Variants in ABLIM1 observed in about 807,000 individuals in gnomAD.
ABLIM1 encodes the protein actin-binding LIM protein 1.
Under a neutral mutation model 107.0 loss-of-function variants are expected in ABLIM1, and 40 were observed. The ratio of observed to expected loss-of-function variants is 0.37; its 90% CI spans 0.29 to 0.49. ABLIM1 has a LOEUF of 0.49. ABLIM1 is among the 20% of genes least tolerant of loss of function. The pLI, the probability that ABLIM1 is intolerant of heterozygous loss-of-function variation, is 0.97. For synonymous variants in ABLIM1, 357 were observed against 357.3 expected, an observed-to-expected ratio of 1.00 and a Z score of 0.01; for missense variants, 857 against 1,008.5, an observed-to-expected ratio of 0.85 and a Z score of 2.04.
At chr10:114,492,388 G>T (rs1375247285) in intron 6 of ABLIM1, among the ~76,000 whole-genome samples, 1 of 152,198 alleles carries the variant, frequency 6.6e-6, no homozygotes, top group Non-Finnish European at 1.5e-5. Context: ...CTCAAGGGGG[G>T]CCCTAAGTCT....
chr10:114,685,009 G>A (rs11196874), upstream of ABLIM1: 71,971 of 152,272 alleles, frequency 0.47, 17,848 homozygotes, highest in South Asian at 0.6. Context: ...GGTATGAGAC[G>A]AGCCGTGGAC....
intron 1 of ABLIM1, among the ~76,000 whole-genome samples, chr10:114,752,958 T>G (rs534494501): frequency 6.6e-6 from 1 of 152,316 alleles, no homozygotes; most frequent in African/African-American, 2.4e-5. Flanking sequence ...TGAATAAGAA[T>G]AAATAATCCA....
At chr10:114,529,209 C>A (rs1253468060) in intron 6 of ABLIM1, among the ~76,000 whole-genome samples, 2 of 151,506 alleles carry the variant, frequency 1.3e-5, no homozygotes, top group African/African-American at 4.9e-5. Flanking sequence ...ACTGCAACCT[C>A]TGCCTCCCGG....
At chr10:114,631,446 C>T (rs1053258593) in intron 1 of ABLIM1, among the ~76,000 whole-genome samples, 5 of 152,178 alleles carry the variant, frequency 3.3e-5, no homozygotes, top group Non-Finnish European at 5.9e-5. Flanking sequence ...AACCCAGCTT[C>T]TCCTTTCAGC....
the ABLIM1 span, among the ~76,000 whole-genome samples, chr10:114,783,774 T>G: frequency 6.6e-6 from 1 of 151,972 alleles, no homozygotes; most frequent in Non-Finnish European, 1.5e-5. Context: ...GTAAATACTG[T>G]CACTGTGGCT....
rs547043980 is a variant in ABLIM1 at position 114,558,814 on chromosome 10, T to C, written c.674-11038A>G. Among the ~76,000 whole-genome samples the C allele has an allele frequency of 5.9e-5, 9 of 152,178 alleles. No individual in the cohort carries two copies. The East Asian group carries it at 1.7e-3, about 29-fold the overall frequency. On this transcript the variant is annotated intron_variant, in intron 4 of 22. Transcript: ENST00000533213. ...TCCTGGGAATGTAAAAGAGATTCTT[T>C]TATGGGAAATAAAAATACTAGCATA... is the stretch of plus-strand genomic sequence containing the variant.
intron 2 of ABLIM1, among the ~76,000 whole-genome samples, chr10:114,586,295 T>C (rs2074186297): frequency 6.6e-6 from 1 of 152,222 alleles, no homozygotes; most frequent in Admixed American, 6.5e-5. Context: ...CGCTGGGCTA[T>C]GCTCTACTTT....
In ABLIM1 at chr10:114,681,873, T is replaced by C. The variant is rs111816658; in HGVS notation, c.64+2417A>G. ...CTGGGGCACGTTCCTGGCAATGTCA[T>C]GCTCTGATTGACCCACTGGTCACCG... On this transcript the variant is annotated intron_variant, in intron 1 of 23. Coordinates refer to the ABLIM1 transcript ENST00000369256. 4.3e-3 allele frequency among the ~76,000 whole-genome samples: 660 copies of C among 152,336 alleles called. 5 individuals carry two copies. The highest frequency in any genetic ancestry group is 0.017 in the Middle Eastern group (5 of 294).
chr10:114,485,433 CAGA>C (rs2058052158), intron 8 of ABLIM1: 1 of 1,451,774 alleles, frequency 6.9e-7, no homozygotes, highest in Non-Finnish European at 9.4e-7. Flanking sequence ...AGCCTCAAAT[CAGA>C]AGAATTATTT....
At chr10:114,796,474 G>A in the ABLIM1 span, among the ~76,000 whole-genome samples, 2 of 152,164 alleles carry the variant, frequency 1.3e-5, no homozygotes, top group African/African-American at 4.8e-5. Context: ...AAGAGCAAGA[G>A]GGCAACTAGA....
At chr10:114,736,269 T>A (rs529800851) in intron 1 of ABLIM1, among the ~76,000 whole-genome samples, 1 of 152,286 alleles carries the variant, frequency 6.6e-6, no homozygotes, top group South Asian at 2.1e-4. Flanking sequence ...CAGATACTGC[T>A]TGCATTAAGC....
intron 1 of ABLIM1, among the ~76,000 whole-genome samples, chr10:114,746,095 C>G (rs1184374057): frequency 6.6e-6 from 1 of 152,096 alleles, no homozygotes; most frequent in Non-Finnish European, 1.5e-5. Flanking sequence ...CAATATTTAA[C>G]TTGATAAGAA....
chr10:114,484,878 T>C (rs1425347476), intron 8 of ABLIM1, among the ~76,000 whole-genome samples: 1 of 152,212 alleles, frequency 6.6e-6, no homozygotes, highest in Non-Finnish European at 1.5e-5. Flanking sequence ...TCATCTGACA[T>C]TCCAAGGAGC....
chr10:114,650,502 T>A (rs756206046), intron 1 of ABLIM1, among the ~76,000 whole-genome samples: 1 of 152,200 alleles, frequency 6.6e-6, no homozygotes, highest in African/African-American at 2.4e-5. Context: ...GGAAGTAATT[T>A]ACATGGGAAC....
rs535035437 is a variant in ABLIM1, at chr10:114,599,004, T to C, written c.379+2823A>G. On this transcript the variant is annotated intron_variant, in intron 2 of 22. Transcript: ENST00000533213. ...TGATGACAGTGCTGCTCTAGAATCT[T>C]GGGAAAAGTCACAGACTCCCTACGG... Among the ~76,000 whole-genome samples, 11 of 152,256 alleles carry C rather than the reference T, an allele frequency of 7.2e-5. No individual in the cohort carries two copies. The East Asian group carries it at 2.1e-3, about 29-fold the overall frequency.
chr10:114,727,698 G>A (rs1170386103), intron 1 of ABLIM1, among the ~76,000 whole-genome samples: 2 of 152,352 alleles, frequency 1.3e-5, no homozygotes, highest in East Asian at 3.9e-4. Context: ...GCCCACGCCT[G>A]TAATCCAGCA....
At chr10:114,690,674 G>T (rs562529817) in intron 1 of ABLIM1, 5 of 532,294 alleles carry the variant, frequency 9.4e-6, no homozygotes, top group South Asian at 2.9e-5. Context: ...TGGCGGCAGC[G>T]TCTGCAAAAG....
At chr10:114,456,084 G>A (rs1044898940) in intron 12 of ABLIM1, among the ~76,000 whole-genome samples, 2 of 152,146 alleles carry the variant, frequency 1.3e-5, no homozygotes, top group African/African-American at 2.4e-5. Context: ...AAAGTGCTAG[G>A]ATTACAGGCG....
At chr10:114,506,505 C>A (rs991903544) in intron 6 of ABLIM1, among the ~76,000 whole-genome samples, 2 of 152,126 alleles carry the variant, frequency 1.3e-5, no homozygotes, top group Non-Finnish European at 2.9e-5. Context: ...CCCTTTTCTC[C>A]TCAACTTCAC....
Sources: gnomAD v4.1 joint callset for allele counts (sites outside exome capture counted in the v4.1 genomes callset) on GRCh38, gnomAD v4.1.1 for gene constraint, MANE v1.5 for transcripts, NCBI Gene and HGNC (gene_info 2026-07-23, HGNC 2026-07-21) for gene names.